The following PHF24 variants were observed in gnomAD, a reference collection of about 807,000 sequenced individuals.
PHF24 encodes the protein Galpha inhibitory interacting protein.
PHF24 carries 25 observed loss-of-function variants against 42.6 expected under a neutral mutation model. The observed-to-expected ratio is 0.59, with a 90% CI of 0.43 to 0.82. The LOEUF (loss-of-function observed/expected upper bound fraction) is 0.82. Ranked by LOEUF, PHF24 falls within the 40% of genes least tolerant of loss-of-function variation. The pLI, the probability that PHF24 is intolerant of heterozygous loss-of-function variation, is 0.00. For missense variants in PHF24, 470 were observed against 538.1 expected (o/e 0.87, Z 1.25); for synonymous variants, 185 against 204.8 (o/e 0.90, Z 0.83).
the PHF24 span, among the ~76,000 whole-genome samples, chr9:34,821,389 T>C: frequency 6.6e-6 from 1 of 152,262 alleles, no homozygotes; most frequent in African/African-American, 2.4e-5. Flanking sequence ...TTTTGTAATG[T>C]GTCATTTTGG....
At chr9:34,688,369 G>A in the PHF24 span, among the ~76,000 whole-genome samples, 36,348 of 152,044 alleles carry the variant, frequency 0.24, 4,551 homozygotes, top group South Asian at 0.31. Context: ...TCTCAAGTAC[G>A]AGGCACTCAC....
the PHF24 span, among the ~76,000 whole-genome samples, chr9:34,795,746 C>T: frequency 1.3e-5 from 2 of 152,120 alleles, no homozygotes; most frequent in African/African-American, 4.8e-5. Flanking sequence ...CCTGTAATCC[C>T]AGCACTTTGG....
the PHF24 span, among the ~76,000 whole-genome samples, chr9:34,766,098 G>A: frequency 2.6e-5 from 4 of 152,088 alleles, no homozygotes; most frequent in African/African-American, 4.8e-5. Context: ...TTCCCTTTGT[G>A]GGTAACCTGA....
chr9:34,917,524 CTG>C, the PHF24 span: 1 of 774,678 alleles, frequency 1.3e-6, no homozygotes, highest in Non-Finnish European at 2.4e-6. Flanking sequence ...TGAGGCACAC[CTG>C]TAAACGGATA....
chr9:34,836,027 T>G, the PHF24 span: 9 of 625,918 alleles, frequency 1.4e-5, no homozygotes, highest in Non-Finnish European at 2.5e-5. Flanking sequence ...CGCCGCACAC[T>G]TCCCTCTGGG....
At chr9:34,968,070 T>A (rs961813629) in intron 1 of PHF24, among the ~76,000 whole-genome samples, 4 of 152,216 alleles carry the variant, frequency 2.6e-5, no homozygotes, top group Non-Finnish European at 5.9e-5. Context: ...TACAAAAAGA[T>A]TAAAAGTACA....
the PHF24 span, among the ~76,000 whole-genome samples, chr9:34,769,957 A>G: frequency 2.6e-5 from 4 of 152,208 alleles, no homozygotes; most frequent in African/African-American, 4.8e-5. Context: ...TAGTGCTTAC[A>G]TGAAAATAGT....
At chr9:34,669,922 CT>C in the PHF24 span, among the ~76,000 whole-genome samples, 38 of 152,086 alleles carry the variant, frequency 2.5e-4, no homozygotes, top group South Asian at 4.1e-4. Context: ...AGAGTTGAGA[CT>C]TTGGGCCAGG....
the PHF24 span, among the ~76,000 whole-genome samples, chr9:34,697,436 C>T: frequency 4.6e-5 from 7 of 152,202 alleles, no homozygotes; most frequent in Non-Finnish European, 1.0e-4. Context: ...TCTCTTGCCT[C>T]AGCCTCCCAA....
the PHF24 span, among the ~76,000 whole-genome samples, chr9:34,811,901 A>G: frequency 4.6e-5 from 7 of 152,244 alleles, no homozygotes; most frequent in Non-Finnish European, 8.8e-5. Flanking sequence ...ATATCTGATA[A>G]AGGATTAATA....
At chr9:34,978,114 T>G in exon 8 of PHF24, 1 of 1,611,594 alleles carries the variant, frequency 6.2e-7, no homozygotes, top group African/African-American at 1.3e-5. Flanking sequence ...CAGGATAGCA[T>G]GGAGCAGAGA....
chr9:34,973,125 A>G (rs1827065101), intron 3 of PHF24, among the ~76,000 whole-genome samples: 1 of 152,152 alleles, frequency 6.6e-6, no homozygotes, highest in African/African-American at 2.4e-5. Context: ...CACCCCCGGT[A>G]GAGAACCTCT....
At chr9:34,808,118 C>T in the PHF24 span, among the ~76,000 whole-genome samples, 1 of 152,122 alleles carries the variant, frequency 6.6e-6, no homozygotes, top group Non-Finnish European at 1.5e-5. Context: ...GTAAGGGCTC[C>T]GGATTCAGAA....
chr9:34,700,974 T>C, the PHF24 span, among the ~76,000 whole-genome samples: 5 of 152,198 alleles, frequency 3.3e-5, no homozygotes, highest in Admixed American at 6.5e-5. Flanking sequence ...AGGGAGGTGT[T>C]TGAAACAGTT....
chr9:34,818,366 C>A, the PHF24 span, among the ~76,000 whole-genome samples: 13 of 152,048 alleles, frequency 8.5e-5, no homozygotes, highest in African/African-American at 2.7e-4. Context: ...TCCTGGTTTT[C>A]TGAGTGTTTT....
chr9:34,739,976 C>G, the PHF24 span, among the ~76,000 whole-genome samples: 8 of 152,262 alleles, frequency 5.3e-5, no homozygotes, highest in South Asian at 1.5e-3. Context: ...AAAGGTTCTC[C>G]AAGTCCCCAC....
At chr9:34,748,657 G>T in the PHF24 span, among the ~76,000 whole-genome samples, 1 of 152,060 alleles carries the variant, frequency 6.6e-6, no homozygotes, top group Admixed American at 6.6e-5. Context: ...TGCAGATATG[G>T]CTACAGTGAT....
the PHF24 span, chr9:34,894,942 G>T: frequency 2.5e-6 from 1 of 397,856 alleles, no homozygotes; most frequent in South Asian, 1.3e-4. Flanking sequence ...GCAGTGGTTA[G>T]AGCACCTGCT....
the PHF24 span, chr9:34,709,724 A>C: frequency 6.2e-7 from 1 of 1,613,406 alleles, no homozygotes; most frequent in South Asian, 1.1e-5. Flanking sequence ...CTTGCCCACC[A>C]TGCCCTCCCC....
Sources: gnomAD v4.1 joint callset for allele counts (sites outside exome capture counted in the v4.1 genomes callset) on GRCh38, gnomAD v4.1.1 for gene constraint, MANE v1.5 for transcripts, NCBI Gene and HGNC (gene_info 2026-07-23, HGNC 2026-07-21) for gene names.